The following NFAT5 variants were observed in gnomAD, a reference collection of about 807,000 sequenced individuals.
NFAT5 encodes the protein nuclear factor of activated T-cells 5.
A neutral mutation model predicts 166.5 loss-of-function variants in NFAT5; 31 were observed. The ratio of observed to expected loss-of-function variants is 0.19; its 90% CI spans 0.14 to 0.25. NFAT5 has a LOEUF of 0.25. NFAT5 is among the 10% of genes least tolerant of loss of function. NFAT5 has a pLI of 1.00. For synonymous variants in NFAT5, 612 were observed against 639.7 expected, an observed-to-expected ratio of 0.96 and a Z score of 0.65; for missense variants, 1,449 against 1,821.8, an observed-to-expected ratio of 0.80 and a Z score of 3.72.
At position 69,698,435 on chromosome 16, in the gene NFAT5, G is replaced by A. The variant is rs1382377820; in HGVS notation, c.*2084G>A. On this transcript the variant is annotated 3_prime_UTR_variant, in exon 15 of 15. Transcript: ENST00000349945. The stretch of plus-strand genomic sequence containing the variant: ...CTATTCTTTTTTGCCACACATTTTT[G>A]TGGTAAATTTGTGAGTTTGTCTGAT... 6.6e-6 allele frequency: 1 copy of A among 151,562 alleles called. No individual in the cohort carries two copies. Among genetic ancestry groups the A allele is most frequent in the Non-Finnish European group, 1.5e-5 (1 of 67,898 alleles). The allele number at this position is 151,562 out of a possible 1,614,324, so 9.4% of individuals were successfully genotyped here. A position where few individuals can be genotyped will look rare whatever the true frequency, so the allele number is the denominator to read the frequency against.
In NFAT5 at chr16:69,575,167, A is replaced by T. The variant is rs989758677; in HGVS notation, c.127+6619A>T. Among the ~76,000 whole-genome samples the T allele has an allele frequency of 2.6e-5, 4 of 151,904 alleles. No homozygotes were observed. The East Asian group carries it at 7.7e-4, about 29-fold the overall frequency. ...GTGAGCTAAGTTGTTGATTATGCTT[A>T]TTTATTTATTTATTTATTTAGAGAC... On this transcript the variant is annotated intron_variant, in intron 2 of 14. Coordinates refer to ENST00000349945, the MANE Select transcript of NFAT5 (RefSeq NM_138713.4).
In NFAT5 at chr16:69,702,118, G is replaced by A. The variant is rs1217999731; in HGVS notation, c.*5767G>A. 1 of 152,546 alleles carries A rather than the reference G, an allele frequency of 6.6e-6. No individual in the cohort carries two copies. Among genetic ancestry groups the A allele is most frequent in the Non-Finnish European group, 1.5e-5 (1 of 68,030 alleles). The allele number at this position is 152,546 out of a possible 1,614,324, so 9.4% of individuals were successfully genotyped here. The stretch of plus-strand genomic sequence containing the variant: ...TTCTGTGACTGTTAGTGGCACTGAG[G>A]ACTGCAAACTTTTATGCAATATTCT... On this transcript the variant is annotated 3_prime_UTR_variant, in exon 15 of 15. Coordinates refer to ENST00000349945, the MANE Select transcript of NFAT5 (RefSeq NM_138713.4).
At position 69,566,701 on chromosome 16, in the gene NFAT5, C is replaced by T. The variant is rs1257711010; in HGVS notation, c.73+327C>T. On this transcript the variant is annotated intron_variant, in intron 1 of 14. Transcript: ENST00000349945. This position sits in a 1 kb window ranked among gnomAD's most constrained non-coding sequence, Gnocchi z 5.7. ...GGCTCCGCGAGCCGCCGGCCCCGGC[C>T]TCCCGGGCTCGGGGATGGCCCCAGA... is the stretch of plus-strand genomic sequence containing the variant. Among the ~76,000 whole-genome samples, 1 of 152,102 alleles carries T rather than the reference C, an allele frequency of 6.6e-6. No individual in the cohort carries two copies. Among genetic ancestry groups the T allele is most frequent in the Non-Finnish European group, 1.5e-5 (1 of 67,992 alleles).
chr16:69,662,519 T>C (rs1178884817), intron 7 of NFAT5, among the ~76,000 whole-genome samples: 1 of 143,024 alleles, frequency 7.0e-6, no homozygotes, highest in Non-Finnish European at 1.5e-5. Context: ...TGCAGTGGCA[T>C]CATGATCTCT....
At chr16:69,586,511 T>C (rs1457865211) in intron 2 of NFAT5, among the ~76,000 whole-genome samples, 10 of 152,078 alleles carry the variant, frequency 6.6e-5, no homozygotes, top group African/African-American at 2.4e-4. Context: ...CAAGCAATTC[T>C]CCTGCCTCAG....
chr16:69,690,903 A>AT (rs2151716198), intron 11 of NFAT5, 37 bp from the exon 12 acceptor site: 1 of 1,437,378 alleles, frequency 7.0e-7, no homozygotes, highest in East Asian at 2.5e-5. Flanking sequence ...AAATTTTGTG[A>AT]TTTTAAACTT....
In NFAT5 at chr16:69,692,638, C is replaced by T; in HGVS notation, c.2813C>T (p.Ala938Val). The T allele has an allele frequency of 1.2e-6, 2 of 1,614,242 alleles. No individual in the cohort carries two copies. Among genetic ancestry groups the T allele is most frequent in the African/African-American group, 1.3e-5 (1 of 75,078 alleles). The change falls in exon 13 of 15, where the codon GCT becomes GTT. Residue 938 changes from alanine (A) to valine (V), a missense_variant. Transcript: ENST00000349945. Reference protein sequence around the residue: ...QIQSELFPSTASANGNLQQSP... With the variant: ...QIQSELFPSTVSANGNLQQSP... The stretch of plus-strand genomic sequence containing the variant: ...CAGTCAGAGTTATTCCCTTCAACTG[C>T]TTCAGCAAATGGAAACCTTCAGCAA...
At chr16:69,600,472 T>A (rs1183732955) in intron 2 of NFAT5, among the ~76,000 whole-genome samples, 1 of 151,712 alleles carries the variant, frequency 6.6e-6, no homozygotes, top group Admixed American at 6.6e-5. Context: ...TATATAAGAA[T>A]AGGAATCTTG....
chr16:69,603,752 A>C (rs2033260781), intron 2 of NFAT5, among the ~76,000 whole-genome samples: 1 of 152,174 alleles, frequency 6.6e-6, no homozygotes, highest in Non-Finnish European at 1.5e-5. Flanking sequence ...CCCTATCTCA[A>C]AACAAACACA....
chr16:69,641,320 CT>C (rs922134500), intron 3 of NFAT5, among the ~76,000 whole-genome samples: 323 of 141,596 alleles, frequency 2.3e-3, no homozygotes, highest in African/African-American at 7.3e-3. Flanking sequence ...TTCCAAATAT[CT>C]TTTTTTTAAT....
intron 9 of NFAT5, among the ~76,000 whole-genome samples, chr16:69,675,476 T>A (rs1221188768): frequency 6.6e-6 from 1 of 152,236 alleles, no homozygotes; most frequent in African/African-American, 2.4e-5. Flanking sequence ...GCGTTTTTTA[T>A]GACCTTGTAT....
intron 2 of NFAT5, among the ~76,000 whole-genome samples, chr16:69,600,298 T>G (rs2151539886): frequency 6.6e-6 from 1 of 152,280 alleles, no homozygotes; most frequent in Middle Eastern, 3.4e-3. Flanking sequence ...AGGAGTTTAT[T>G]GATAACCAAG....
At chr16:69,575,905 C>T (rs2016719147) in intron 2 of NFAT5, among the ~76,000 whole-genome samples, 1 of 152,068 alleles carries the variant, frequency 6.6e-6, no homozygotes, top group Admixed American at 6.6e-5. Context: ...GAGGGATCTA[C>T]TAATTTTCCC....
chr16:69,603,575 G>T (rs539614364), intron 2 of NFAT5, among the ~76,000 whole-genome samples: 5 of 152,186 alleles, frequency 3.3e-5, no homozygotes, highest in African/African-American at 1.2e-4. Flanking sequence ...AATAAAGTAA[G>T]ACCTCATCTC....
At chr16:69,567,952 A>G (rs772328471) in intron 1 of NFAT5, among the ~76,000 whole-genome samples, 1 of 152,214 alleles carries the variant, frequency 6.6e-6, no homozygotes, top group Non-Finnish European at 1.5e-5. Flanking sequence ...TTCGAGACCA[A>G]TGTAGAGACA....
intron 7 of NFAT5, among the ~76,000 whole-genome samples, chr16:69,668,824 ACC>A (rs2036508430): frequency 6.6e-6 from 1 of 152,032 alleles, no homozygotes; most frequent in African/African-American, 2.4e-5. Flanking sequence ...GATTACAAGC[ACC>A]CACCACCACG....
chr16:69,622,644 C>T (rs2034250706), intron 2 of NFAT5, among the ~76,000 whole-genome samples: 1 of 152,002 alleles, frequency 6.6e-6, no homozygotes, highest in South Asian at 2.1e-4. Context: ...CAAAGTTTTG[C>T]TTTGATTTGA....
At chr16:69,694,830 A>C (rs2037705156) in intron 13 of NFAT5, among the ~76,000 whole-genome samples, 1 of 152,258 alleles carries the variant, frequency 6.6e-6, no homozygotes, top group Admixed American at 6.5e-5. Context: ...AAGGAGGTAG[A>C]AACTCATCTT....
intron 3 of NFAT5, among the ~76,000 whole-genome samples, chr16:69,645,155 T>C (rs1413806281): frequency 6.6e-6 from 1 of 152,222 alleles, no homozygotes; most frequent in Non-Finnish European, 1.5e-5. Flanking sequence ...ACAAATCAGC[T>C]CCTAAACTGT....
Sources: allele counts gnomAD v4.1 joint callset (sites outside exome capture counted in the v4.1 genomes callset), GRCh38; gene constraint gnomAD v4.1.1; non-coding constraint Gnocchi (gnomAD v3.1); transcripts MANE v1.5; gene names NCBI Gene and HGNC (gene_info 2026-07-23, HGNC 2026-07-21).